DPP10: variants seen among roughly 807,000 people sequenced by gnomAD.
The protein encoded by DPP10 is inactive dipeptidyl peptidase 10.
DPP10 carries 33 observed loss-of-function variants against 120.9 expected under a neutral mutation model. The observed-to-expected ratio is 0.27, with a 90% CI of 0.21 to 0.37. The LOEUF is 0.37. Ranked by LOEUF, DPP10 falls within the 10% of genes least tolerant of loss-of-function variation. The probability of loss-of-function intolerance (pLI) is 1.00; values close to 1 mark genes in which losing one functional copy is unlikely to be tolerated. For synonymous variants in DPP10, 337 were observed against 326.1 expected, an observed-to-expected ratio of 1.03 and a Z score of -0.36; for missense variants, 816 against 942.8, an observed-to-expected ratio of 0.87 and a Z score of 1.76.
intron 1 of DPP10, among the ~76,000 whole-genome samples, chr2:115,020,713 C>T (rs77791858): frequency 0.012 from 1,850 of 152,162 alleles, 19 homozygotes; most frequent in Non-Finnish European, 0.021. Flanking sequence ...AATATACATG[C>T]TATTCACCAG....
At chr2:115,471,086 A>T (rs1487351949) in intron 3 of DPP10, among the ~76,000 whole-genome samples, 1 of 152,110 alleles carries the variant, frequency 6.6e-6, no homozygotes, top group Admixed American at 6.5e-5. Context: ...ATTAATATTT[A>T]TTTTGGTGGA....
intron 1 of DPP10, among the ~76,000 whole-genome samples, chr2:114,682,766 GTCTGTCTA>G (rs1281898759): frequency 2.0e-4 from 28 of 140,422 alleles, no homozygotes; most frequent in Non-Finnish European, 3.2e-4. Context: ...CTATCTATCT[GTCTGTCTA>G]TCTATCTATC....
At chr2:115,264,806 G>T (rs935382534) in intron 1 of DPP10, among the ~76,000 whole-genome samples, 2 of 152,106 alleles carry the variant, frequency 1.3e-5, no homozygotes, top group Non-Finnish European at 2.9e-5. Context: ...TGTCATCTTT[G>T]TTTTAAAATG....
At chr2:114,561,869 T>C (rs1041354623) in intron 1 of DPP10, among the ~76,000 whole-genome samples, 3 of 152,340 alleles carry the variant, frequency 2.0e-5, no homozygotes, top group African/African-American at 7.2e-5. Flanking sequence ...ACATTGAACA[T>C]GACTTCTTGA....
intron 3 of DPP10, among the ~76,000 whole-genome samples, chr2:115,390,709 C>A (rs1574680710): frequency 6.6e-6 from 1 of 152,126 alleles, no homozygotes; most frequent in Non-Finnish European, 1.5e-5. Context: ...AATACCATTA[C>A]TCATATGCTA....
intron 17 of DPP10, among the ~76,000 whole-genome samples, chr2:115,788,831 G>T (rs1408729027): frequency 1.3e-5 from 2 of 151,932 alleles, no homozygotes; most frequent in African/African-American, 4.8e-5. Context: ...AAAAATATAA[G>T]GCAGGCCAGG....
chr2:114,533,725 G>T (rs542097858), intron 1 of DPP10, among the ~76,000 whole-genome samples: 2 of 152,032 alleles, frequency 1.3e-5, no homozygotes, highest in Non-Finnish European at 2.9e-5. Context: ...TAGTTTGCCC[G>T]GGTTTAGACT....
At chr2:115,522,207 C>A (rs370765629) in intron 4 of DPP10, among the ~76,000 whole-genome samples, 6 of 152,104 alleles carry the variant, frequency 3.9e-5, no homozygotes, top group Non-Finnish European at 5.9e-5. Flanking sequence ...TTTAAATAGG[C>A]GGTCTGATTA....
intron 3 of DPP10, among the ~76,000 whole-genome samples, chr2:115,406,472 A>T (rs1321496995): frequency 6.6e-6 from 1 of 152,178 alleles, no homozygotes; most frequent in South Asian, 2.1e-4. Context: ...ATGATAGGTA[A>T]GGGAGGTGAT....
rs10195397 is a variant in DPP10, at chr2:114,638,017, G to A, written c.60+195179G>A. On this transcript the variant is annotated intron_variant, in intron 1 of 25. Transcript: ENST00000410059. The stretch of plus-strand genomic sequence containing the variant: ...TTTAGAATAGTTTTTCTTATTCTGA[G>A]AAAAATCATATTGGTAGTTTGATAG... Among the ~76,000 whole-genome samples the A allele has an allele frequency of 6.4e-3, 970 of 151,960 alleles. 41 individuals are homozygous for A. Among genetic ancestry groups the A allele is most frequent in the African/African-American group, 0.022 (906 of 41,254 alleles).
intron 1 of DPP10, among the ~76,000 whole-genome samples, chr2:115,181,003 G>T (rs201841099): frequency 4.6e-5 from 3 of 65,648 alleles, no homozygotes; most frequent in Non-Finnish European, 1.6e-4. Flanking sequence ...AAAAATATAC[G>T]TCACTTAGTG....
chr2:115,260,831 C>T (rs1182986294), intron 1 of DPP10, among the ~76,000 whole-genome samples: 1 of 152,080 alleles, frequency 6.6e-6, no homozygotes, highest in Non-Finnish European at 1.5e-5. Context: ...CTTTTAAAGT[C>T]AGAGTCTATC....
intron 5 of DPP10, among the ~76,000 whole-genome samples, chr2:115,612,847 G>A (rs916264182): frequency 3.3e-5 from 5 of 151,718 alleles, no homozygotes; most frequent in Non-Finnish European, 7.4e-5. Flanking sequence ...GCATTAAAAT[G>A]CTAAACATCT....
intron 1 of DPP10, among the ~76,000 whole-genome samples, chr2:115,277,021 A>G (rs2059947196): frequency 6.6e-6 from 1 of 152,218 alleles, no homozygotes; most frequent in South Asian, 2.1e-4. Context: ...AAGAGGTTCT[A>G]AAATGAAATT....
intron 3 of DPP10, among the ~76,000 whole-genome samples, chr2:115,357,404 A>G (rs2064464635): frequency 6.6e-6 from 1 of 152,254 alleles, no homozygotes; most frequent in South Asian, 2.1e-4. Flanking sequence ...CATAAACCTT[A>G]AAGTTCCAAA....
chr2:115,575,354 A>T (rs2081589754), intron 5 of DPP10, among the ~76,000 whole-genome samples: 1 of 152,194 alleles, frequency 6.6e-6, no homozygotes, highest in Admixed American at 6.5e-5. Context: ...TTAGAGTTTG[A>T]ATTTGAAAAG....
At chr2:115,455,905 G>A (rs968890324) in intron 3 of DPP10, among the ~76,000 whole-genome samples, 1 of 152,050 alleles carries the variant, frequency 6.6e-6, no homozygotes, top group Non-Finnish European at 1.5e-5. Flanking sequence ...ACATAGGCAT[G>A]GGCAAAGACT....
intron 2 of DPP10, among the ~76,000 whole-genome samples, chr2:115,315,056 G>T (rs1034574004): frequency 6.6e-6 from 1 of 152,072 alleles, no homozygotes; most frequent in African/African-American, 2.4e-5. Context: ...AGTTTGTGGA[G>T]AAAGTATAGT....
At chr2:115,688,191 T>A (rs2091113338) in intron 5 of DPP10, among the ~76,000 whole-genome samples, 1 of 152,126 alleles carries the variant, frequency 6.6e-6, no homozygotes, top group Admixed American at 6.6e-5. Flanking sequence ...GAAAAATTAT[T>A]TTTGCTTCTA....
Sources: allele counts gnomAD v4.1 joint callset (sites outside exome capture counted in the v4.1 genomes callset), GRCh38; gene constraint gnomAD v4.1.1; transcripts MANE v1.5; gene names NCBI Gene and HGNC (gene_info 2026-07-23, HGNC 2026-07-21).